PKN2: variants seen among roughly 807,000 people sequenced by gnomAD.
PKN2 encodes the protein protein kinase N2.
PKN2 carries 38 observed loss-of-function variants against 119.1 expected under a neutral mutation model. That is an observed-to-expected ratio of 0.32 (90% CI 0.25 to 0.42). The LOEUF (loss-of-function observed/expected upper bound fraction) is 0.42, where lower values mean the gene tolerates loss of function less well. Ranked by LOEUF, PKN2 falls within the 10% of genes least tolerant of loss-of-function variation. PKN2 has a pLI of 1.00. For synonymous variants in PKN2, 390 were observed against 384.9 expected (o/e 1.01, Z -0.15); for missense variants, 850 against 1,165.1 (o/e 0.73, Z 3.94).
chr1:88,722,828 G>C (rs17099888), intron 1 of PKN2, among the ~76,000 whole-genome samples: 1 of 151,674 alleles, frequency 6.6e-6, no homozygotes, highest in Admixed American at 6.6e-5. Flanking sequence ...TTGATTGACT[G>C]TGATGTGCTG....
At chr1:88,695,159 C>T (rs970650933) in intron 1 of PKN2, among the ~76,000 whole-genome samples, 3 of 151,892 alleles carry the variant, frequency 2.0e-5, no homozygotes, top group Admixed American at 6.6e-5. Context: ...GTCTGTCAGA[C>T]GTCTTTATAA....
intron 6 of PKN2, among the ~76,000 whole-genome samples, chr1:88,781,823 T>C (rs1557607153): frequency 6.6e-6 from 1 of 152,128 alleles, no homozygotes; most frequent in East Asian, 1.9e-4. Context: ...GTTAGCTAAA[T>C]TTGCCAGTTT....
intron 1 of PKN2, 43 bp from the exon 2 acceptor site, chr1:88,740,945 A>C (rs1307577451): frequency 7.4e-7 from 1 of 1,348,120 alleles, no homozygotes; most frequent in East Asian, 2.3e-5. Flanking sequence ...TGAGCAGCCA[A>C]CTCTCCTAAA....
rs543740034 is a variant in PKN2 at position 88,826,858 on chromosome 1, CTAA to C, written c.2420-1622_2420-1620del. Among the ~76,000 whole-genome samples the C allele has an allele frequency of 2.3e-3, 354 of 152,198 alleles. 2 individuals are homozygous for C. The highest frequency in any genetic ancestry group is 8.4e-3 in the African/African-American group (349 of 41,526). ...CTTTTTCCTAGTTTTCTCCAAGTTA[CTAA>C]AAGGCTGGTGCAGAACTTACATAGA... On this transcript the variant is annotated intron_variant, in intron 18 of 21. Transcript: ENST00000370521.
At chr1:88,824,569 C>G (rs1672423014) in intron 18 of PKN2, among the ~76,000 whole-genome samples, 183 bp downstream of exon 18, 1 of 152,090 alleles carries the variant, frequency 6.6e-6, no homozygotes, top group South Asian at 2.1e-4. Context: ...AATTTGTTCT[C>G]TGAATACAAA....
At chr1:88,704,856 T>A (rs1666914334) in intron 1 of PKN2, among the ~76,000 whole-genome samples, 1 of 152,088 alleles carries the variant, frequency 6.6e-6, no homozygotes, top group South Asian at 2.1e-4. Flanking sequence ...TAGTTTTAAT[T>A]TTAGCTATTC....
Position 88,833,602 on chromosome 1 carries a change from T to G in PKN2, c.*154T>G. On this transcript the variant is annotated 3_prime_UTR_variant, in exon 22 of 22. Transcript: ENST00000370521. ...GAAGATTTGTTTAAAAGTACCATTCTAATACTTCTTCAAAAGTGGCTCCTC... is the reference window on the plus strand; with the variant it reads ...GAAGATTTGTTTAAAAGTACCATTCGAATACTTCTTCAAAAGTGGCTCCTC... 1 of 614,480 alleles carries G rather than the reference T, an allele frequency of 1.6e-6. No homozygotes were observed. The highest frequency in any genetic ancestry group is 2.1e-5 in the South Asian group (1 of 48,488). 38.1% of individuals were successfully genotyped at this position (614,480 alleles called of 1,614,324 possible).
At chr1:88,738,171 A>C (rs779449002) in intron 1 of PKN2, among the ~76,000 whole-genome samples, 115 of 35,394 alleles carry the variant, frequency 3.2e-3, no homozygotes, top group Non-Finnish European at 6.9e-3. Context: ...TCATTAAAAA[A>C]CAAACAAACA....
intron 6 of PKN2, among the ~76,000 whole-genome samples, chr1:88,779,508 A>T (rs1029595802): frequency 6.6e-6 from 1 of 151,750 alleles, no homozygotes; most frequent in African/African-American, 2.4e-5. Context: ...ATACTATGTG[A>T]TCTGATCTGT....
intron 8 of PKN2, among the ~76,000 whole-genome samples, chr1:88,801,542 G>C (rs1392643120): frequency 6.6e-6 from 1 of 152,136 alleles, no homozygotes; most frequent in Non-Finnish European, 1.5e-5. Context: ...AAGTGGGATT[G>C]AACACAAGTG....
intron 1 of PKN2, among the ~76,000 whole-genome samples, chr1:88,720,873 T>C (rs536130533): frequency 2.6e-4 from 40 of 152,290 alleles, no homozygotes; most frequent in African/African-American, 9.4e-4. Flanking sequence ...TGAGAACATA[T>C]GATGTTTGAT....
chr1:88,715,783 C>T (rs946905321), intron 1 of PKN2, among the ~76,000 whole-genome samples: 1 of 152,100 alleles, frequency 6.6e-6, no homozygotes, highest in Non-Finnish European at 1.5e-5. Flanking sequence ...TTCTTTGTTT[C>T]TCTGTCTCTT....
At chr1:88,725,150 A>T (rs1298149334) in intron 1 of PKN2, among the ~76,000 whole-genome samples, 1 of 151,970 alleles carries the variant, frequency 6.6e-6, no homozygotes, top group Non-Finnish European at 1.5e-5. Context: ...ACATTGGGTT[A>T]TTTCCAGCTT....
chr1:88,795,782 A>T (rs1049194940), intron 8 of PKN2, among the ~76,000 whole-genome samples: 4 of 152,176 alleles, frequency 2.6e-5, no homozygotes, highest in Non-Finnish European at 5.9e-5. Flanking sequence ...CTCTATTTCT[A>T]GTCTATCCTT....
rs1671499955 is a variant in PKN2 at position 88,805,484 on chromosome 1, T to C, written c.1502-13T>C. 8 of 1,559,970 alleles carry C rather than the reference T, an allele frequency of 5.1e-6. No homozygotes were observed. Among genetic ancestry groups the C allele is most frequent in the African/African-American group, 1.4e-5 (1 of 72,620 alleles). On this transcript the variant is annotated splice_polypyrimidine_tract_variant and intron_variant, in intron 10 of 21. Transcript: ENST00000370521. ...AAATTACTTGCTGTTTTTGTTTTTTTCAACATCTACAGGCAAAACATTTCT... is the reference window on the plus strand; with the variant it reads ...AAATTACTTGCTGTTTTTGTTTTTTCCAACATCTACAGGCAAAACATTTCT...
intron 2 of PKN2, among the ~76,000 whole-genome samples, chr1:88,742,915 G>A (rs554430864): frequency 6.6e-6 from 1 of 152,298 alleles, no homozygotes; most frequent in Non-Finnish European, 1.5e-5. Context: ...TTGTGGCTGG[G>A]TGCAGTGGCT....
At chr1:88,702,251 G>A (rs894781608) in intron 1 of PKN2, among the ~76,000 whole-genome samples, 1 of 152,238 alleles carries the variant, frequency 6.6e-6, no homozygotes, top group African/African-American at 2.4e-5. Context: ...GAGCAACCGT[G>A]CCCAGGTTGG....
chr1:88,773,670 T>G (rs1669979745), intron 6 of PKN2, among the ~76,000 whole-genome samples: 1 of 152,162 alleles, frequency 6.6e-6, no homozygotes, highest in African/African-American at 2.4e-5. Context: ...TCCCAGCTAC[T>G]TGGGAGGCAG....
intron 2 of PKN2, among the ~76,000 whole-genome samples, chr1:88,742,927 G>A (rs916571376): frequency 3.3e-5 from 5 of 151,932 alleles, no homozygotes; most frequent in South Asian, 4.2e-4. Context: ...GCAGTGGCTC[G>A]TGCCTATAAT....
Sources: gnomAD v4.1 joint callset for allele counts (sites outside exome capture counted in the v4.1 genomes callset) on GRCh38, gnomAD v4.1.1 for gene constraint, MANE v1.5 for transcripts, NCBI Gene and HGNC (gene_info 2026-07-23, HGNC 2026-07-21) for gene names.